Variants in STARD9 observed in about 807,000 individuals in gnomAD.
STARD9 encodes the protein stAR-related lipid transfer protein 9.
Under a neutral mutation model 399.8 loss-of-function variants are expected in STARD9, and 346 were observed. That is an observed-to-expected ratio of 0.87 (90% CI 0.79 to 0.95). STARD9 has a LOEUF of 0.95. Among genes scored for constraint, STARD9 ranks in the 40% least tolerant of loss-of-function variants. The pLI is 0.00. For missense variants in STARD9, 5,832 were observed against 5,667.5 expected (o/e 1.03, Z -0.93); for synonymous variants, 2,203 against 2,143.5 (o/e 1.03, Z -0.77).
At chr15:42,674,774 G>A (rs954886638) in intron 17 of STARD9, 53 bp from the exon 18 acceptor site, 44 of 1,476,796 alleles carry the variant, frequency 3.0e-5, no homozygotes, top group African/African-American at 1.7e-4. Context: ...GAAATGGAGA[G>A]GGTGTTTCCC....
At chr15:42,625,946 G>C (rs1246043763) in intron 3 of STARD9, among the ~76,000 whole-genome samples, 2 of 151,994 alleles carry the variant, frequency 1.3e-5, no homozygotes, top group African/African-American at 4.8e-5. Flanking sequence ...TTTTGAGACA[G>C]AGTCTAGTTC....
At position 42,675,590 on chromosome 15, in the gene STARD9, G is replaced by A. The variant is rs2060293085; in HGVS notation, c.1688-74G>A. The A allele has an allele frequency of 3.5e-6, 4 of 1,144,656 alleles. No individual in the cohort carries two copies. In the South Asian group the frequency reaches 4.0e-5, roughly 11 times the overall value. 70.9% of individuals were successfully genotyped at this position (1,144,656 alleles called of 1,614,324 possible). A position where few individuals can be genotyped will look rare whatever the true frequency, so the allele number is the denominator to read the frequency against. On this transcript the variant is annotated intron_variant, in intron 18 of 32. Coordinates refer to ENST00000290607, the MANE Select transcript of STARD9 (RefSeq NM_020759.3). ...CGAGGGCATGACTTTGTCTCACAGA[G>A]CAGTGCCGTACACATAGTATGTACT...
At chr15:42,674,760 G>C in intron 17 of STARD9, 67 bp from the exon 18 acceptor site, 2 of 1,458,942 alleles carry the variant, frequency 1.4e-6, no homozygotes, top group Non-Finnish European at 1.8e-6. Context: ...TGATCTCACA[G>C]AAAGAAATGG....
chr15:42,627,780 G>A (rs1287286915), intron 3 of STARD9, among the ~76,000 whole-genome samples: 1 of 152,172 alleles, frequency 6.6e-6, no homozygotes, highest in African/African-American at 2.4e-5. Context: ...CTATGGCTGA[G>A]TAGTACTCCA....
intron 3 of STARD9, among the ~76,000 whole-genome samples, chr15:42,626,324 C>CTCCTCTTCCTCTTCTTCCTCT (rs1566884724): frequency 2.6e-4 from 33 of 127,022 alleles, no homozygotes; most frequent in African/African-American, 1.2e-3. Context: ...CCTCTTCTTC[C>CTCCTCTTCCTCTTCTTCCTCT]TCCTCTTCCT....
chr15:42,704,130 C>T (rs537589910), intron 26 of STARD9, among the ~76,000 whole-genome samples: 17 of 152,112 alleles, frequency 1.1e-4, no homozygotes, highest in East Asian at 9.7e-4. Context: ...AGGCTGGTCT[C>T]GAACTCCTGA....
intron 3 of STARD9, among the ~76,000 whole-genome samples, chr15:42,603,651 G>C (rs777391727): frequency 2.6e-5 from 4 of 152,064 alleles, no homozygotes; most frequent in Non-Finnish European, 5.9e-5. Context: ...GTTTTTAAAG[G>C]ATAGTTTTGC....
Position 42,690,428 on chromosome 15 carries a change from T to A in STARD9, c.8850T>A (p.Thr2950=). The change falls in exon 23 of 33, where the codon ACT becomes ACA. Residue 2950 remains threonine (T), a synonymous_variant. Coordinates refer to ENST00000290607, the MANE Select transcript of STARD9 (RefSeq NM_020759.3). ...CGTCTAGAGGGAAAGAGAGCAGAAC[T>A]CTTCCTTGCCGACAGCCATGCAGTT... ...LSPSRGKESR[T]LPCRQPCSSQ... The A allele has an allele frequency of 2.0e-6, 3 of 1,537,194 alleles. No homozygotes were observed. The highest frequency in any genetic ancestry group is 2.6e-6 in the Non-Finnish European group (3 of 1,146,906).
intron 3 of STARD9, among the ~76,000 whole-genome samples, chr15:42,602,326 G>T (rs2058645793): frequency 6.6e-6 from 1 of 152,168 alleles, no homozygotes; most frequent in African/African-American, 2.4e-5. Flanking sequence ...TGCAGGTTTT[G>T]ATATACCTGG....
chr15:42,718,429 C>T lies in STARD9; in HGVS notation c.13763-6C>T, dbSNP rs1040719788. On this transcript the variant is annotated splice_region_variant and splice_polypyrimidine_tract_variant and intron_variant, in intron 30 of 32. Coordinates refer to ENST00000290607, the MANE Select transcript of STARD9 (RefSeq NM_020759.3). ...CTCCTGACCTTCCTTATCCCTGTCCCTCCAGTGTACTTGGTGTGCAACACC... is the reference window on the plus strand; with the variant it reads ...CTCCTGACCTTCCTTATCCCTGTCCTTCCAGTGTACTTGGTGTGCAACACC... The T allele has an allele frequency of 6.5e-6, 10 of 1,536,260 alleles. No individual in the cohort carries two copies. The highest frequency in any genetic ancestry group is 8.7e-6 in the Non-Finnish European group (10 of 1,146,162).
In STARD9 at chr15:42,696,678, G is replaced by C. The variant is rs186637951; in HGVS notation, c.13284+798G>C. Among the ~76,000 whole-genome samples the C allele has an allele frequency of 3.9e-5, 6 of 152,320 alleles. No homozygotes were observed. In the South Asian group the frequency reaches 1.0e-3, roughly 26 times the overall value. On this transcript the variant is annotated intron_variant, in intron 26 of 32. Coordinates refer to ENST00000290607, the MANE Select transcript of STARD9 (RefSeq NM_020759.3). ...GCAGAGCTGAGAGAGATGATTGCTT[G>C]CTTCAGGGCACTGCTAGTGAAGACG...
intron 3 of STARD9, among the ~76,000 whole-genome samples, chr15:42,614,463 A>G (rs1047710091): frequency 6.6e-6 from 1 of 152,242 alleles, no homozygotes; most frequent in Non-Finnish European, 1.5e-5. Context: ...TCTAGTAACA[A>G]GATACCAGTT....
At position 42,685,915 on chromosome 15, in the gene STARD9, C is replaced by T. The variant is rs2140236477; in HGVS notation, c.4337C>T (p.Pro1446Leu). 6.5e-7 allele frequency: 1 copy of T among 1,537,178 alleles called. No individual in the cohort carries two copies. Among genetic ancestry groups the T allele is most frequent in the Non-Finnish European group, 8.7e-7 (1 of 1,146,916 alleles). Residue 1446 changes from proline to leucine, a missense_variant, in exon 23 of 33, where the codon CCT (proline) becomes CTT (leucine). Around this residue, in one of 2 missense-constraint regions of STARD9, gnomAD observed 5,828 missense variants for 5,651.1 expected, o/e 1.03. Transcript: ENST00000290607. ...GGCACCTTTCAGGGCAGATGTATCC[C>T]TGACATGACCCAGCAGGGCAGCTCT... The part of the protein sequence containing the change: ...ADGTFQGRCI[P>L]DMTQQGSSEA...
In STARD9 at chr15:42,691,351, C is replaced by A; in HGVS notation, c.9773C>A (p.Pro3258His). The change falls in exon 23 of 33, where the codon CCT becomes CAT. Residue 3258 changes from proline (P) to histidine (H), a missense_variant. Pro to His is a moderately conservative substitution (Grantham distance 77, BLOSUM62 -2). This residue lies in a region of STARD9 where 5,828 missense variants were observed against 5,651.1 expected (regional missense o/e 1.03). Coordinates refer to ENST00000290607, the MANE Select transcript of STARD9 (RefSeq NM_020759.3). ...GREEVAVAKP[P>H]VSKILSQGFK... ...GAGGAGGTGGCTGTGGCCAAGCCTC[C>A]TGTGTCCAAGATTTTATCACAGGGC... 2 of 1,537,232 alleles carry A rather than the reference C, an allele frequency of 1.3e-6. No individual in the cohort carries two copies. The highest frequency in any genetic ancestry group is 1.2e-5 in the South Asian group (1 of 84,066).
At chr15:42,648,225 C>G (rs1247605965) in intron 7 of STARD9, among the ~76,000 whole-genome samples, 2 of 152,110 alleles carry the variant, frequency 1.3e-5, no homozygotes, top group Admixed American at 1.3e-4. Context: ...TGCAGTGGCG[C>G]GATCTCGGCT....
Position 42,684,171 on chromosome 15 carries a change from C to A in STARD9, c.2593C>A (p.His865Asn). Residue 865 changes from histidine to asparagine, a missense_variant, in exon 23 of 33, where the codon CAC (histidine) becomes AAC (asparagine). Coordinates refer to ENST00000290607, the MANE Select transcript of STARD9 (RefSeq NM_020759.3). ...ATTGCCACCTAGGCCTGACCCTACA[C>A]ACCAAACATCAGAGAAAACATCATC... is the stretch of plus-strand genomic sequence containing the variant. ...TTLPPRPDPTHQTSEKTSSEE... is the reference protein window; with the variant it reads ...TTLPPRPDPTNQTSEKTSSEE... 1 of 1,537,190 alleles carries A rather than the reference C, an allele frequency of 6.5e-7. No individual in the cohort carries two copies. Among genetic ancestry groups the A allele is most frequent in the Non-Finnish European group, 8.7e-7 (1 of 1,146,840 alleles).
chr15:42,719,607 C>G lies in STARD9; in HGVS notation c.*33C>G. ...CCGTCAAGATGGTGCTGCTGAGATGCAGGCCCAGGCTGCTCAAGAGAGACA... is the reference window on the plus strand; with the variant it reads ...CCGTCAAGATGGTGCTGCTGAGATGGAGGCCCAGGCTGCTCAAGAGAGACA... On this transcript the variant is annotated 3_prime_UTR_variant, in exon 33 of 33. Transcript: ENST00000290607. The G allele has an allele frequency of 7.4e-7, 1 of 1,353,632 alleles. No individual in the cohort carries two copies. The highest frequency in any genetic ancestry group is 1.3e-5 in the South Asian group (1 of 79,988). The allele number at this position is 1,353,632 out of a possible 1,614,324, so 83.9% of individuals were successfully genotyped here.
chr15:42,606,974 G>T (rs1482966352), intron 3 of STARD9, among the ~76,000 whole-genome samples: 4 of 151,770 alleles, frequency 2.6e-5, no homozygotes, highest in African/African-American at 7.3e-5. Context: ...GATTGACAAG[G>T]TCTCACTCTG....
At chr15:42,579,273 C>A (rs559316017) in intron 1 of STARD9, among the ~76,000 whole-genome samples, 2 of 152,164 alleles carry the variant, frequency 1.3e-5, no homozygotes, top group Admixed American at 1.3e-4. Flanking sequence ...ACATGCACAC[C>A]CAAAACTAGA....
Sources: gnomAD v4.1 joint callset for allele counts (sites outside exome capture counted in the v4.1 genomes callset) on GRCh38, gnomAD v4.1.1 for gene constraint, gnomAD v4.1.1 regional missense constraint, MANE v1.5 for transcripts, NCBI Gene and HGNC (gene_info 2026-07-23, HGNC 2026-07-21) for gene names.